Variants in OSBPL1A observed in about 807,000 individuals in gnomAD.
The protein encoded by OSBPL1A is oxysterol binding protein like 1A.
In OSBPL1A, 80 loss-of-function variants were observed where a neutral mutation model predicts 137.1. That is an observed-to-expected ratio of 0.58 (90% CI 0.49 to 0.70). The LOEUF is 0.70. OSBPL1A is among the 30% of genes least tolerant of loss of function. OSBPL1A has a pLI of 0.00. For synonymous variants in OSBPL1A, 365 were observed against 389.7 expected, an observed-to-expected ratio of 0.94 and a Z score of 0.75; for missense variants, 970 against 1,129.4, an observed-to-expected ratio of 0.86 and a Z score of 2.02.
chr18:24,269,883 C>CACACACACA (rs971952711), intron 15 of OSBPL1A, among the ~76,000 whole-genome samples: 1 of 151,680 alleles, frequency 6.6e-6, no homozygotes, highest in Non-Finnish European at 1.5e-5. Context: ...CACACACACA[C>CACACACACA]ACCATGCTAA....
chr18:24,323,347 G>C (rs1399195890), intron 7 of OSBPL1A, among the ~76,000 whole-genome samples: 1 of 151,168 alleles, frequency 6.6e-6, no homozygotes, highest in Non-Finnish European at 1.5e-5. Flanking sequence ...GATGCCAGCA[G>C]TTCGAGACCA....
In OSBPL1A at chr18:24,225,212, G is replaced by A. The variant is rs2088035745; in HGVS notation, c.1445-14C>T. 1.2e-6 allele frequency: 2 copies of A among 1,613,694 alleles called. No homozygotes were observed. Among genetic ancestry groups the A allele is most frequent in the Non-Finnish European group, 1.7e-6 (2 of 1,179,684 alleles). On this transcript the variant is annotated splice_polypyrimidine_tract_variant and intron_variant, in intron 16 of 27. Transcript: ENST00000319481. ...CGGACTCGGAATCTGTGGCAGAGCA[G>A]GTTCATAGTTAATGAATTGAACTTG... is the stretch of plus-strand genomic sequence containing the variant.
chr18:24,283,327 G>GAC lies in OSBPL1A; in HGVS notation c.1175-2381_1175-2380dup, dbSNP rs149819782. Among the ~76,000 whole-genome samples the GAC allele has an allele frequency of 4.6e-3, 461 of 100,024 alleles. 5 individuals carry two copies. The highest frequency in any genetic ancestry group is 0.014 in the African/African-American group (394 of 28,842). The allele number at this position is 100,024 out of a possible 152,430, so 65.6% of individuals were successfully genotyped here. ...ATGTATATATATACACACACACACA[G>GAC]ACACACACACACACACATATGGATA... On this transcript the variant is annotated intron_variant, in intron 14 of 27. Coordinates refer to ENST00000319481, the MANE Select transcript of OSBPL1A (RefSeq NM_080597.4).
At chr18:24,241,404 C>T (rs1392499661) in intron 15 of OSBPL1A, among the ~76,000 whole-genome samples, 3 of 152,134 alleles carry the variant, frequency 2.0e-5, no homozygotes, top group Admixed American at 1.3e-4. Flanking sequence ...TATCCAGAAT[C>T]TACAATGAAC....
chr18:24,172,303 CAAAA>C (rs1283010334), intron 22 of OSBPL1A, 69 bp downstream of exon 22: 2 of 1,127,576 alleles, frequency 1.8e-6, no homozygotes, highest in East Asian at 4.8e-5. Context: ...ACAAACAAAA[CAAAA>C]AAACTGATGT....
At chr18:24,200,126 T>C (rs1171098255) in intron 17 of OSBPL1A, among the ~76,000 whole-genome samples, 1 of 152,244 alleles carries the variant, frequency 6.6e-6, no homozygotes, top group African/African-American at 2.4e-5. Context: ...CCATATTGTC[T>C]TTGAAATCCA....
At chr18:24,238,319 A>G (rs544221851) in intron 16 of OSBPL1A, among the ~76,000 whole-genome samples, 1 of 149,082 alleles carries the variant, frequency 6.7e-6, no homozygotes, top group Admixed American at 8.0e-5. Flanking sequence ...CCCATACAAC[A>G]ATTAATTTTT....
chr18:24,261,316 G>T (rs1339309265), intron 15 of OSBPL1A, among the ~76,000 whole-genome samples: 1 of 152,154 alleles, frequency 6.6e-6, no homozygotes, highest in Non-Finnish European at 1.5e-5. Flanking sequence ...AGGAATAGAA[G>T]TATTCCTTAT....
chr18:24,375,132 C>G (rs1174575683), intron 2 of OSBPL1A, among the ~76,000 whole-genome samples: 1 of 151,810 alleles, frequency 6.6e-6, no homozygotes, highest in East Asian at 1.9e-4. Context: ...CTGGGGAACA[C>G]AGCAAGATCC....
intron 15 of OSBPL1A, among the ~76,000 whole-genome samples, chr18:24,262,767 C>T (rs1347106811): frequency 6.8e-6 from 1 of 146,406 alleles, no homozygotes; most frequent in Non-Finnish European, 1.5e-5. Flanking sequence ...GCCCCTTTCA[C>T]GGTCACTGTC....
At chr18:24,355,850 T>C (rs553037151) in intron 4 of OSBPL1A, among the ~76,000 whole-genome samples, 1 of 152,062 alleles carries the variant, frequency 6.6e-6, no homozygotes, top group East Asian at 1.9e-4. Flanking sequence ...CCAGGCATGG[T>C]GGCATGCGCC....
chr18:24,213,667 T>C (rs1210854887), intron 17 of OSBPL1A, among the ~76,000 whole-genome samples: 1 of 152,208 alleles, frequency 6.6e-6, no homozygotes, highest in Non-Finnish European at 1.5e-5. Flanking sequence ...ATTTTTGATG[T>C]TTTAAATTAC....
chr18:24,331,449 T>C (rs1461791908), intron 7 of OSBPL1A, among the ~76,000 whole-genome samples: 1 of 146,568 alleles, frequency 6.8e-6, no homozygotes, highest in Non-Finnish European at 1.5e-5. Context: ...CAGGCTGGAG[T>C]GCAGTGGCGC....
At chr18:24,365,022 CAACAAAA>C (rs2091681668) in intron 4 of OSBPL1A, among the ~76,000 whole-genome samples, 1 of 29,730 alleles carries the variant, frequency 3.4e-5, no homozygotes, top group Non-Finnish European at 7.6e-5. Context: ...CAAAAAACAA[CAACAAAA>C]AAAAAAAAAA....
chr18:24,173,838 A>C (rs1346468373), intron 21 of OSBPL1A, among the ~76,000 whole-genome samples: 1 of 151,870 alleles, frequency 6.6e-6, no homozygotes, highest in Non-Finnish European at 1.5e-5. Flanking sequence ...ATCCTAAACA[A>C]CTCCTCCACC....
chr18:24,290,484 C>A (rs2090156185), intron 14 of OSBPL1A, among the ~76,000 whole-genome samples: 1 of 152,094 alleles, frequency 6.6e-6, no homozygotes, highest in Non-Finnish European at 1.5e-5. Flanking sequence ...AGTTCAAAAC[C>A]AGCCTGGGCG....
chr18:24,193,362 C>T (rs143542064), intron 18 of OSBPL1A, among the ~76,000 whole-genome samples: 2,887 of 152,008 alleles, frequency 0.019, 63 homozygotes, highest in Admixed American at 0.061. Context: ...GTGGCATGCA[C>T]CTGTAGTCCC....
intron 15 of OSBPL1A, among the ~76,000 whole-genome samples, chr18:24,258,311 T>C (rs563556893): frequency 6.6e-6 from 1 of 152,292 alleles, no homozygotes; most frequent in East Asian, 1.9e-4. Context: ...ATCCTATCAT[T>C]TGCAACAACA....
rs553119220 is a variant in OSBPL1A at position 24,193,112 on chromosome 18, G to A, written c.1677+3013C>T. On this transcript the variant is annotated intron_variant, in intron 18 of 27. Coordinates refer to ENST00000319481, the MANE Select transcript of OSBPL1A (RefSeq NM_080597.4). ...AAGGGAAGAGAGATGATAGCTGAAG[G>A]TATACACATGGCTTCTAGAACTCAG... is the stretch of plus-strand genomic sequence containing the variant. Among the ~76,000 whole-genome samples, 3 of 152,330 alleles carry A rather than the reference G, an allele frequency of 2.0e-5. No homozygotes were observed. The South Asian group carries it at 6.2e-4, about 32-fold the overall frequency.
Sources: allele counts gnomAD v4.1 joint callset (sites outside exome capture counted in the v4.1 genomes callset), GRCh38; gene constraint gnomAD v4.1.1; transcripts MANE v1.5; gene names NCBI Gene and HGNC (gene_info 2026-07-23, HGNC 2026-07-21).